Variants in SLC38A9 observed in about 807,000 individuals in gnomAD.
SLC38A9 encodes solute carrier family 38 member 9, also known as neutral amino acid transporter 9.
Under a neutral mutation model 62.3 loss-of-function variants are expected in SLC38A9, and 48 were observed. That is an observed-to-expected ratio of 0.77 (90% CI 0.61 to 0.98). The LOEUF is 0.98. Among genes scored for constraint, SLC38A9 ranks in the 50% least tolerant of loss-of-function variants. The pLI, the probability that SLC38A9 is intolerant of heterozygous loss-of-function variation, is 0.00. For missense variants in SLC38A9, 541 were observed against 679.8 expected (o/e 0.80, Z 2.27); for synonymous variants, 204 against 227.7 (o/e 0.90, Z 0.94).
intron 8 of SLC38A9, among the ~76,000 whole-genome samples, chr5:55,657,099 G>A (rs891150392): frequency 3.9e-5 from 6 of 152,096 alleles, no homozygotes; most frequent in African/African-American, 1.4e-4. Context: ...CTGACTTCGT[G>A]ATCCACCCAC....
intron 3 of SLC38A9, among the ~76,000 whole-genome samples, chr5:55,678,696 A>G (rs1055352305): frequency 9.2e-6 from 1 of 109,026 alleles, no homozygotes; most frequent in East Asian, 3.0e-4. Flanking sequence ...TTGCTCTGTC[A>G]CCCAGGTTGG....
intron 11 of SLC38A9, among the ~76,000 whole-genome samples, chr5:55,648,774 G>C (rs1045747016): frequency 1.3e-5 from 2 of 152,144 alleles, no homozygotes; most frequent in African/African-American, 2.4e-5. Context: ...ATAAATGTTT[G>C]AGGTGATGGA....
At chr5:55,691,051 A>G (rs1754660482) in intron 3 of SLC38A9, 2 of 635,866 alleles carry the variant, frequency 3.1e-6, no homozygotes, top group Non-Finnish European at 5.7e-6. Context: ...GGACATTATA[A>G]AAAAGAGTGC....
chr5:55,692,617 A>G (rs1754903320), intron 3 of SLC38A9: 1 of 985,210 alleles, frequency 1.0e-6, no homozygotes, highest in Non-Finnish European at 1.2e-6. Flanking sequence ...GATTGTAAAT[A>G]GCTGATTCCC....
Position 55,692,156 on chromosome 5 carries a change from A to G in SLC38A9, c.113+5690T>C, listed in dbSNP as rs553921803. On this transcript the variant is annotated intron_variant, in intron 3 of 15. Transcript: ENST00000396865. Reference sequence around the variant, plus strand: ...ATAAATGCTATTTAAACTAGTTGGTATTTAATGCAATGCGTATTAGAAAAA... The same window carrying G: ...ATAAATGCTATTTAAACTAGTTGGTGTTTAATGCAATGCGTATTAGAAAAA... 5.3e-5 allele frequency among the ~76,000 whole-genome samples: 8 copies of G among 152,346 alleles called. No individual in the cohort carries two copies. In the South Asian group the frequency reaches 1.2e-3, roughly 24 times the overall value.
intron 2 of SLC38A9, among the ~76,000 whole-genome samples, chr5:55,705,997 C>T (rs1561452194): frequency 1.3e-5 from 2 of 152,158 alleles, no homozygotes; most frequent in South Asian, 2.1e-4. Flanking sequence ...CAGGAGCCAC[C>T]GTGCCTGGCT....
intron 3 of SLC38A9, among the ~76,000 whole-genome samples, chr5:55,678,569 T>C (rs141053221): frequency 6.6e-6 from 1 of 151,706 alleles, no homozygotes; most frequent in Non-Finnish European, 1.5e-5. Flanking sequence ...TGAATGATAT[T>C]ATGGAGGATG....
rs1306868601 is a variant in SLC38A9, at chr5:55,626,640, C to T, written c.1540G>A (p.Gly514Arg). Residue 514 changes from glycine to arginine, a missense_variant, in exon 16 of 16, where the codon GGA becomes AGA. Gly to Arg is a moderately radical substitution (Grantham distance 125). Transcript: ENST00000396865. ...GIIRYSGAAC[G>R]LAFVFIYPSL... is the part of the protein sequence containing the mutation. ...GGGTATATGAATACAAAGGCCAGTC[C>T]ACATGCTGCTCCTGAATATCTGCAA... The T allele has an allele frequency of 6.2e-7, 1 of 1,604,228 alleles. No individual in the cohort carries two copies. Among genetic ancestry groups the T allele is most frequent in the Non-Finnish European group, 8.5e-7 (1 of 1,176,734 alleles).
intron 8 of SLC38A9, 21 bp downstream of exon 8, chr5:55,664,672 G>T: frequency 7.4e-7 from 1 of 1,348,424 alleles, no homozygotes; most frequent in Non-Finnish European, 1.0e-6. Flanking sequence ...TGTGTTAAAA[G>T]CATATGATAT....
At chr5:55,652,109 A>C (rs1747601071) in intron 10 of SLC38A9, among the ~76,000 whole-genome samples, 2 of 151,950 alleles carry the variant, frequency 1.3e-5, no homozygotes, top group Admixed American at 1.3e-4. Context: ...CTGTAATCCC[A>C]GCACTTTGGG....
In SLC38A9 at chr5:55,672,670, T is replaced by C. The variant is rs777488515; in HGVS notation, c.139A>G (p.Ile47Val). 12 of 1,614,088 alleles carry C rather than the reference T, an allele frequency of 7.4e-6. No homozygotes were observed. Among genetic ancestry groups the C allele is most frequent in the South Asian group, 2.2e-5 (2 of 91,082 alleles). Residue 47 changes from isoleucine to valine, a missense_variant, in exon 4 of 16, where the codon ATC (isoleucine) becomes GTC (valine). Physicochemically the swap from Ile to Val is conservative, Grantham distance 29. Coordinates refer to ENST00000396865, the MANE Select transcript of SLC38A9 (RefSeq NM_173514.4). ...KRPFCIEPTNIVNVNHVIQRV... is the reference protein window; with the variant it reads ...KRPFCIEPTNVVNVNHVIQRV... ...TGAATGACATGATTCACATTCACGA[T>C]GTTTGTGGGCTCTATACAGAAAGGC...
intron 2 of SLC38A9, among the ~76,000 whole-genome samples, chr5:55,710,067 C>CAAAAAAAAA (rs1174162436): frequency 9.6e-5 from 2 of 20,900 alleles, no homozygotes; most frequent in East Asian, 1.3e-3. Flanking sequence ...GACTCCATCT[C>CAAAAAAAAA]AAAAAAAAAA....
intron 8 of SLC38A9, among the ~76,000 whole-genome samples, chr5:55,662,368 T>C (rs1434243800): frequency 6.6e-6 from 1 of 151,994 alleles, no homozygotes; most frequent in Non-Finnish European, 1.5e-5. Flanking sequence ...TGCAAAAGCG[T>C]TTATGTAGAT....
At chr5:55,678,849 T>C (rs1289993767) in intron 3 of SLC38A9, among the ~76,000 whole-genome samples, 2 of 151,608 alleles carry the variant, frequency 1.3e-5, no homozygotes, top group African/African-American at 2.4e-5. Flanking sequence ...TTTGTAGAGA[T>C]GAGGTCTTGC....
chr5:55,706,581 CA>C (rs1757322707), intron 2 of SLC38A9, among the ~76,000 whole-genome samples: 1 of 152,174 alleles, frequency 6.6e-6, no homozygotes, highest in South Asian at 2.1e-4. Flanking sequence ...CAAAGTTCTG[CA>C]GCATAGCAGA....
intron 14 of SLC38A9, among the ~76,000 whole-genome samples, chr5:55,630,316 G>GTTTGTT (rs1743205883): frequency 2.0e-5 from 3 of 151,912 alleles, no homozygotes; most frequent in Non-Finnish European, 4.4e-5. Flanking sequence ...TTTTTTGTTT[G>GTTTGTT]TTTGTTTTTG....
chr5:55,687,243 C>A (rs1188454291), intron 3 of SLC38A9, among the ~76,000 whole-genome samples: 1 of 150,074 alleles, frequency 6.7e-6, no homozygotes, highest in Non-Finnish European at 1.5e-5. Flanking sequence ...ATCGAGACCA[C>A]GGTGAAACCC....
intron 2 of SLC38A9, among the ~76,000 whole-genome samples, chr5:55,708,015 C>T (rs1757510237): frequency 6.6e-6 from 1 of 152,202 alleles, no homozygotes; most frequent in African/African-American, 2.4e-5. Context: ...TCTTGGACTT[C>T]CCAGCCTCCA....
chr5:55,630,474 C>T (rs11737941), intron 14 of SLC38A9, among the ~76,000 whole-genome samples: 84,704 of 151,746 alleles, frequency 0.56, 24,693 homozygotes, highest in South Asian at 0.65. Flanking sequence ...CCTGCCACTA[C>T]GCCAGGCTAA....
Sources: gnomAD v4.1 joint callset for allele counts (sites outside exome capture counted in the v4.1 genomes callset) on GRCh38, gnomAD v4.1.1 for gene constraint, MANE v1.5 for transcripts, NCBI Gene and HGNC (gene_info 2026-07-23, HGNC 2026-07-21) for gene names.